The following HDAC9 variants were observed in gnomAD, a reference collection of about 807,000 sequenced individuals.
The protein encoded by HDAC9 is MEF-2 interacting transcription repressor (MITR) protein.
HDAC9 carries 41 observed loss-of-function variants against 139.4 expected under a neutral mutation model. The observed-to-expected ratio is 0.29, with a 90% CI of 0.23 to 0.38. HDAC9 has a LOEUF of 0.38. Among genes scored for constraint, HDAC9 ranks in the 10% least tolerant of loss-of-function variants. HDAC9 has a pLI of 1.00. For missense variants in HDAC9, 1,147 were observed against 1,297.0 expected (o/e 0.88, Z 1.78); for synonymous variants, 517 against 476.2 (o/e 1.09, Z -1.12).
At chr7:18,618,760 A>ATATATATATATG (rs1388208113) in intron 6 of HDAC9, among the ~76,000 whole-genome samples, 1 of 133,826 alleles carries the variant, frequency 7.5e-6, no homozygotes, top group East Asian at 2.2e-4. Context: ...ATATATATAT[A>ATATATATATATG]TGTAGGAATT....
At chr7:18,407,458 CAAAG>C (rs546599830) in intron 1 of HDAC9, among the ~76,000 whole-genome samples, 21 of 151,906 alleles carry the variant, frequency 1.4e-4, no homozygotes, top group Non-Finnish European at 3.1e-4. Flanking sequence ...TTTAGGCAAA[CAAAG>C]AGCCTAAAAA....
At chr7:18,851,700 G>A (rs1446792984) in intron 21 of HDAC9, among the ~76,000 whole-genome samples, 1 of 152,132 alleles carries the variant, frequency 6.6e-6, no homozygotes, top group African/African-American at 2.4e-5. Context: ...TGCTTTTCCT[G>A]AAATGTTAGT....
chr7:18,375,740 AG>A (rs1162898824), intron 1 of HDAC9, among the ~76,000 whole-genome samples: 1 of 152,112 alleles, frequency 6.6e-6, no homozygotes, highest in African/African-American at 2.4e-5. Flanking sequence ...TAGGGCTCTG[AG>A]GTTGAGAATC....
At chr7:18,667,629 CT>C (rs2129079099) in intron 12 of HDAC9, 1 of 985,080 alleles carries the variant, frequency 1.0e-6, no homozygotes, top group East Asian at 1.1e-4. Context: ...AAAAGTGATT[CT>C]GTGAGGGTGA....
chr7:18,350,306 T>G (rs961751931), intron 1 of HDAC9, among the ~76,000 whole-genome samples: 6 of 152,194 alleles, frequency 3.9e-5, no homozygotes, highest in Non-Finnish European at 8.8e-5. Context: ...AGTAATTGGA[T>G]TCCATGAAAA....
At chr7:18,730,224 C>T (rs960326634) in intron 13 of HDAC9, among the ~76,000 whole-genome samples, 1 of 152,120 alleles carries the variant, frequency 6.6e-6, no homozygotes, top group Non-Finnish European at 1.5e-5. Context: ...ATGAAATGCA[C>T]CATCTTCACT....
chr7:18,929,588 C>T (rs1042866498), intron 22 of HDAC9, among the ~76,000 whole-genome samples: 2 of 151,940 alleles, frequency 1.3e-5, no homozygotes, highest in Non-Finnish European at 2.9e-5. Flanking sequence ...TGATTAATGC[C>T]TCATTCTAAA....
intron 12 of HDAC9, among the ~76,000 whole-genome samples, chr7:18,724,193 T>C (rs1372126804): frequency 6.6e-6 from 1 of 152,174 alleles, no homozygotes; most frequent in East Asian, 1.9e-4. Context: ...AAGTTTTTCA[T>C]ATCATCCCGA....
At chr7:18,519,713 C>A (rs914327969) in intron 2 of HDAC9, among the ~76,000 whole-genome samples, 2 of 152,128 alleles carry the variant, frequency 1.3e-5, no homozygotes, top group African/African-American at 4.8e-5. Context: ...AATTAAAAAT[C>A]TACACACCCA....
intron 2 of HDAC9, among the ~76,000 whole-genome samples, chr7:18,223,698 T>C (rs1792862555): frequency 6.6e-6 from 1 of 152,164 alleles, no homozygotes; most frequent in African/African-American, 2.4e-5. Context: ...TTCATTTTCA[T>C]TTTATACTGT....
chr7:18,410,504 G>T (rs1482053230), intron 1 of HDAC9, among the ~76,000 whole-genome samples: 2 of 152,084 alleles, frequency 1.3e-5, no homozygotes, highest in East Asian at 3.8e-4. Flanking sequence ...GCATATAATT[G>T]TATATGATAA....
intron 17 of HDAC9, among the ~76,000 whole-genome samples, chr7:18,819,404 G>T (rs1033096786): frequency 3.9e-5 from 6 of 152,062 alleles, no homozygotes. Flanking sequence ...TGTATATAAG[G>T]AACACAAAAA....
intron 11 of HDAC9, among the ~76,000 whole-genome samples, chr7:18,655,218 A>G (rs1790719436): frequency 6.6e-6 from 1 of 152,158 alleles, no homozygotes. Flanking sequence ...ATTTCTCTCC[A>G]TCCATTTGAC....
At chr7:18,775,354 G>T (rs1270022711) in intron 16 of HDAC9, among the ~76,000 whole-genome samples, 2 of 152,022 alleles carry the variant, frequency 1.3e-5, no homozygotes, top group Non-Finnish European at 1.5e-5. Context: ...CCTTCAATTT[G>T]TAAAAAATCA....
At chr7:18,995,196 C>G (rs1786362026) in intron 25 of HDAC9, among the ~76,000 whole-genome samples, 1 of 152,148 alleles carries the variant, frequency 6.6e-6, no homozygotes, top group African/African-American at 2.4e-5. Flanking sequence ...TCAGCAGTTG[C>G]AAAATTAACA....
At chr7:18,984,732 A>C (rs1445051702) in intron 25 of HDAC9, among the ~76,000 whole-genome samples, 2 of 152,226 alleles carry the variant, frequency 1.3e-5, no homozygotes, top group Non-Finnish European at 2.9e-5. Flanking sequence ...CTGAGAGAGA[A>C]AAAAGGAAGA....
Position 18,836,002 on chromosome 7 carries a change from G to T in HDAC9, c.2684+5G>T. ...TGAGTACCTTGAAGCATTCAGGTTG[G>T]TACTTCTTTCTCTCTGAAAGTGGCA... On this transcript the variant is annotated splice_donor_5th_base_variant and intron_variant, in intron 21 of 25. Coordinates refer to ENST00000686413, the MANE Select transcript of HDAC9 (RefSeq NM_178425.4). 1 of 1,517,902 alleles carries T rather than the reference G, an allele frequency of 6.6e-7. No individual in the cohort carries two copies. The highest frequency in any genetic ancestry group is 8.9e-7 in the Non-Finnish European group (1 of 1,120,030). 94.0% of individuals were successfully genotyped at this position (1,517,902 alleles called of 1,614,324 possible).
At chr7:18,163,440 C>T (rs148935844) in intron 2 of HDAC9, among the ~76,000 whole-genome samples, 84 of 152,332 alleles carry the variant, frequency 5.5e-4, no homozygotes, top group African/African-American at 1.6e-3. Flanking sequence ...GCATTGACAT[C>T]ACTCGGAGAG....
intron 13 of HDAC9, among the ~76,000 whole-genome samples, chr7:18,736,999 T>C (rs942410944): frequency 2.6e-5 from 4 of 152,230 alleles, no homozygotes; most frequent in Non-Finnish European, 5.9e-5. Context: ...CCATTTCTTC[T>C]AGATTTTCTA....
Sources: allele counts gnomAD v4.1 joint callset (sites outside exome capture counted in the v4.1 genomes callset), GRCh38; gene constraint gnomAD v4.1.1; transcripts MANE v1.5; gene names NCBI Gene and HGNC (gene_info 2026-07-23, HGNC 2026-07-21).